The following TMX4 variants were observed in gnomAD, a reference collection of about 807,000 sequenced individuals.
TMX4 encodes the protein thioredoxin-related transmembrane protein 4.
In TMX4, 23 loss-of-function variants were observed where a neutral mutation model predicts 33.3. The ratio of observed to expected loss-of-function variants is 0.69; its 90% confidence interval spans 0.50 to 0.98. The LOEUF (loss-of-function observed/expected upper bound fraction) is 0.98, where lower values mean the gene tolerates loss of function less well. Among genes scored for constraint, TMX4 ranks in the 50% least tolerant of loss-of-function variants. The probability of loss-of-function intolerance (pLI) is 0.00; values close to 1 mark genes in which losing one functional copy is unlikely to be tolerated. For synonymous variants in TMX4, 164 were observed against 161.5 expected (o/e 1.02, Z -0.12); for missense variants, 399 against 448.9 (o/e 0.89, Z 1.01).
intron 1 of TMX4, among the ~76,000 whole-genome samples, chr20:8,016,691 G>A (rs569899674): frequency 1.3e-5 from 2 of 152,258 alleles, no homozygotes; most frequent in Admixed American, 6.5e-5. Context: ...GAGGGGATCT[G>A]TATGACGTGG....
intron 1 of TMX4, among the ~76,000 whole-genome samples, chr20:8,015,641 A>C (rs967026493): frequency 6.6e-6 from 1 of 152,208 alleles, no homozygotes; most frequent in Non-Finnish European, 1.5e-5. Flanking sequence ...TCTCTCAAAC[A>C]TTCCATCAAG....
At chr20:7,985,088 A>G (rs1383611778) in intron 6 of TMX4, among the ~76,000 whole-genome samples, 1 of 152,098 alleles carries the variant, frequency 6.6e-6, no homozygotes, top group African/African-American at 2.4e-5. Context: ...TTGGGATAAG[A>G]ATGCAGCTGT....
chr20:8,019,271 A>T, intron 1 of TMX4, 167 bp downstream of exon 1: 2 of 778,556 alleles, frequency 2.6e-6, no homozygotes, highest in Middle Eastern at 3.8e-4. Context: ...GCGGCAGTGC[A>T]GGATCGCAAG....
chr20:8,006,745 A>G (rs893287687), intron 2 of TMX4, among the ~76,000 whole-genome samples: 2 of 144,960 alleles, frequency 1.4e-5, no homozygotes, highest in Admixed American at 1.4e-4. Context: ...TTCTCCTATG[A>G]TGGAACTTCT....
intron 1 of TMX4, among the ~76,000 whole-genome samples, chr20:8,017,140 A>G (rs1012200073): frequency 3.3e-5 from 5 of 152,164 alleles, no homozygotes; most frequent in African/African-American, 1.2e-4. Flanking sequence ...TCACCTGATA[A>G]TACAGAAAAA....
At chr20:8,013,620 C>T (rs558207193) in intron 1 of TMX4, 41 of 152,196 alleles carry the variant, frequency 2.7e-4, no homozygotes, top group South Asian at 8.3e-4. Flanking sequence ...GTTGATGGAA[C>T]GAGGTTGAAG....
chr20:7,983,815 T>C lies in TMX4; in HGVS notation c.658A>G (p.Arg220Gly), dbSNP rs745502426. 1.2e-6 allele frequency: 2 copies of C among 1,613,590 alleles called. No homozygotes were observed. The highest frequency in any genetic ancestry group is 1.7e-6 in the Non-Finnish European group (2 of 1,179,822). ...TTACCAGAACGCTCAGATAAATGCC[T>C]TGGAAGTGGCACATAGAAACATTCT... ...ISECFYVPLP[R>G]HLSERSEQNR... Residue 220 changes from arginine (R) to glycine (G), a missense_variant, in exon 7 of 8, where the codon AGG (arginine) becomes GGG (glycine). Coordinates refer to ENST00000246024, the MANE Select transcript of TMX4 (RefSeq NM_021156.4).
intron 5 of TMX4, among the ~76,000 whole-genome samples, chr20:7,995,523 C>T (rs6055445): frequency 0.29 from 43,889 of 152,074 alleles, 6,587 homozygotes; most frequent in South Asian, 0.52. Flanking sequence ...CCACAATTCT[C>T]TGTGTCTGTC....
At chr20:7,996,198 A>G (rs1296059841) in intron 4 of TMX4, 127 bp from the exon 5 acceptor site, 2 of 679,232 alleles carry the variant, frequency 2.9e-6, no homozygotes, top group South Asian at 2.0e-5. Flanking sequence ...TCCCAGATTC[A>G]TATCTGTTCT....
chr20:8,009,861 T>TAAAAAAA (rs11289988), intron 2 of TMX4, among the ~76,000 whole-genome samples: 42 of 84,536 alleles, frequency 5.0e-4, no homozygotes, highest in Non-Finnish European at 8.3e-4. Flanking sequence ...CAAAAAACTG[T>TAAAAAAA]AAAAAAAAAA....
intron 4 of TMX4, among the ~76,000 whole-genome samples, chr20:7,997,418 T>C (rs1463413796): frequency 6.6e-6 from 1 of 152,124 alleles, no homozygotes; most frequent in Non-Finnish European, 1.5e-5. Flanking sequence ...CCCCTCTTTT[T>C]TTCCTTTTTC....
chr20:8,011,075 C>T (rs539057814), intron 1 of TMX4, among the ~76,000 whole-genome samples: 8 of 151,864 alleles, frequency 5.3e-5, no homozygotes, highest in Non-Finnish European at 1.2e-4. Flanking sequence ...CTTATTTTTG[C>T]GTCTGTTTAA....
intron 5 of TMX4, among the ~76,000 whole-genome samples, chr20:7,988,896 G>A (rs535352989): frequency 4.6e-5 from 7 of 152,090 alleles, no homozygotes; most frequent in Admixed American, 2.0e-4. Context: ...AGTGGCAAGC[G>A]CCTATAATCC....
intron 1 of TMX4, among the ~76,000 whole-genome samples, chr20:8,010,856 T>G (rs974819612): frequency 2.0e-5 from 3 of 152,170 alleles, no homozygotes; most frequent in Non-Finnish European, 4.4e-5. Context: ...CCCAACACTT[T>G]CTTAAATTTA....
chr20:7,987,296 T>C lies in TMX4; in HGVS notation c.607A>G (p.Met203Val), dbSNP rs772998141. The change falls in exon 6 of 8, where the codon ATG (methionine) becomes GTG (valine). Residue 203 changes from methionine (M) to valine (V), a missense_variant. Physicochemically the swap from Met to Val is conservative, Grantham distance 21 (BLOSUM62 1). Transcript: ENST00000246024. ...VIATLVFGLF[M>V]GLVLVVISEC... ...TTGGTATTATCTCTTACCAGACCCA[T>C]AAAAAGGCCAAAAACCAAGGTGGCT... is the stretch of plus-strand genomic sequence containing the variant. 3.2e-6 allele frequency: 5 copies of C among 1,585,618 alleles called. No individual in the cohort carries two copies. Among genetic ancestry groups the C allele is most frequent in the South Asian group, 1.2e-5 (1 of 85,148 alleles).
At chr20:8,018,389 A>T (rs1299251641) in intron 1 of TMX4, among the ~76,000 whole-genome samples, 1 of 44,360 alleles carries the variant, frequency 2.3e-5, no homozygotes, top group Non-Finnish European at 3.6e-5. Context: ...AGAGAGAGAG[A>T]GAGGGAGGGA....
chr20:8,001,041 A>T (rs188888608), intron 3 of TMX4, among the ~76,000 whole-genome samples: 3 of 151,998 alleles, frequency 2.0e-5, no homozygotes, highest in Non-Finnish European at 2.9e-5. Flanking sequence ...TACTTTCTTT[A>T]TCTTTCCCCT....
chr20:7,990,768 C>A (rs1042042076), intron 5 of TMX4, among the ~76,000 whole-genome samples: 2 of 152,216 alleles, frequency 1.3e-5, no homozygotes, highest in Non-Finnish European at 2.9e-5. Flanking sequence ...CTTTCAGACA[C>A]AGATCAGAAT....
In TMX4 at chr20:7,996,126, T is replaced by A. The variant is rs914011655; in HGVS notation, c.468-55A>T. Reference sequence around the variant, plus strand: ...GATCATATATACTATAAAAAAAAAATGAAAATCAGGTCAGGAGGACTGGTC... The same window carrying A: ...GATCATATATACTATAAAAAAAAAAAGAAAATCAGGTCAGGAGGACTGGTC... On this transcript the variant is annotated intron_variant, in intron 4 of 7. Transcript: ENST00000246024. 1.0e-4 allele frequency: 147 copies of A among 1,406,914 alleles called. No individual in the cohort carries two copies. The South Asian group carries it at 1.2e-3, about 12-fold the overall frequency. 87.2% of individuals were successfully genotyped at this position (1,406,914 alleles called of 1,614,324 possible). A position where few individuals can be genotyped will look rare whatever the true frequency, so the allele number is the denominator to read the frequency against.
Sources: allele counts gnomAD v4.1 joint callset (sites outside exome capture counted in the v4.1 genomes callset), GRCh38; gene constraint gnomAD v4.1.1; transcripts MANE v1.5; gene names NCBI Gene and HGNC (gene_info 2026-07-23, HGNC 2026-07-21).